Variants in DEFB125 observed in about 807,000 individuals in gnomAD.
DEFB125 encodes the protein beta-defensin 125.
DEFB125 carries 11 observed loss-of-function variants against 11.8 expected under a neutral mutation model. That is an observed-to-expected ratio of 0.94 (90% CI 0.59 to 1.55). DEFB125 has a LOEUF of 1.55. Among genes scored for constraint, DEFB125 ranks in the 40% most tolerant of loss-of-function variants. The pLI is 0.00. For synonymous variants in DEFB125, 79 were observed against 66.7 expected (o/e 1.18, Z -0.90); for missense variants, 198 against 191.2 (o/e 1.04, Z -0.21).
At chr20:89,469 T>C (rs1055988292) in intron 1 of DEFB125, among the ~76,000 whole-genome samples, 11 of 152,160 alleles carry the variant, frequency 7.2e-5, no homozygotes, top group African/African-American at 2.7e-4. Flanking sequence ...AATTTTCTAT[T>C]ATACTATTAG....
intron 1 of DEFB125, 38 bp from the exon 2 acceptor site, chr20:95,967 C>T: frequency 1.3e-6 from 2 of 1,521,342 alleles, no homozygotes; most frequent in South Asian, 1.3e-5. Context: ...ATGTTGATGC[C>T]AGAGTTAAAA....
intron 1 of DEFB125, among the ~76,000 whole-genome samples, chr20:90,011 T>C (rs1013796978): frequency 5.3e-5 from 8 of 152,170 alleles, no homozygotes; most frequent in Non-Finnish European, 1.0e-4. Flanking sequence ...TGAAGCAACT[T>C]TTTACCAAGC....
In DEFB125 at chr20:96,205, T is replaced by A; in HGVS notation, c.259T>A (p.Ser87Thr). 6.2e-7 allele frequency: 1 copy of A among 1,614,210 alleles called. No individual in the cohort carries two copies. The highest frequency in any genetic ancestry group is 1.1e-5 in the South Asian group (1 of 91,074). The change falls in exon 2 of 2, where the codon TCT (serine) becomes ACT (threonine). Residue 87 changes from serine (S) to threonine (T), a missense_variant. Transcript: ENST00000382410. ...AACATTGGATTATAGTGATGTGGAC[T>A]CTTTTACTGGTTCCCCAGTATCTAT... ...DITLDYSDVDSFTGSPVSMLN... is the reference protein window; with the variant it reads ...DITLDYSDVDTFTGSPVSMLN...
At position 96,062 on chromosome 20, in the gene DEFB125, G is replaced by C. The variant is rs370092526; in HGVS notation, c.116G>C (p.Cys39Ser). The C allele has an allele frequency of 6.2e-7, 1 of 1,613,738 alleles. No homozygotes were observed. The highest frequency in any genetic ancestry group is 1.1e-5 in the South Asian group (1 of 91,074). ...KNNVGHCRRR[C>S]LDTERYILLC... ...AATGTAGGACATTGCAGAAGACGAT[G>C]TTTAGATACTGAAAGGTACATACTT... is the stretch of plus-strand genomic sequence containing the variant. The change falls in exon 2 of 2, where the codon TGT becomes TCT. Residue 39 changes from cysteine to serine, a missense_variant. Cys to Ser is a moderately radical substitution (Grantham distance 112). Transcript: ENST00000382410.
At chr20:90,742 T>C (rs1452569498) in intron 1 of DEFB125, among the ~76,000 whole-genome samples, 2 of 152,178 alleles carry the variant, frequency 1.3e-5, no homozygotes, top group African/African-American at 4.8e-5. Flanking sequence ...TTCACTCCAC[T>C]ACAGCCACAC....
At chr20:91,792 G>A (rs907755116) in intron 1 of DEFB125, among the ~76,000 whole-genome samples, 16 of 152,110 alleles carry the variant, frequency 1.1e-4, no homozygotes, top group African/African-American at 3.9e-4. Context: ...TAATGCTGGA[G>A]GAAAAAAATT....
intron 1 of DEFB125, among the ~76,000 whole-genome samples, chr20:88,221 T>C (rs2054483307): frequency 6.6e-6 from 1 of 152,128 alleles, no homozygotes; most frequent in South Asian, 2.1e-4. Context: ...CATTGACAGT[T>C]TGTAGATTCT....
At chr20:92,075 C>T (rs962266935) in intron 1 of DEFB125, among the ~76,000 whole-genome samples, 1 of 152,104 alleles carries the variant, frequency 6.6e-6, no homozygotes, top group African/African-American at 2.4e-5. Flanking sequence ...TACATACATA[C>T]ATCTATATAT....
chr20:90,484 C>T (rs1340792976), intron 1 of DEFB125, among the ~76,000 whole-genome samples: 3 of 152,174 alleles, frequency 2.0e-5, no homozygotes, highest in African/African-American at 7.2e-5. Context: ...TCATCTCTCA[C>T]CTGTGTTATT....
intron 1 of DEFB125, 41 bp from the exon 2 acceptor site, chr20:95,964 T>A: frequency 6.6e-7 from 1 of 1,522,068 alleles, no homozygotes; most frequent in Non-Finnish European, 8.8e-7. Context: ...GTTATGTTGA[T>A]GCCAGAGTTA....
rs1344418079 is a variant in DEFB125, at chr20:97,045, T to C, written c.*628T>C. The C allele has an allele frequency of 6.6e-6, 1 of 152,266 alleles. No individual in the cohort carries two copies. Among genetic ancestry groups the C allele is most frequent in the Non-Finnish European group, 1.5e-5 (1 of 68,070 alleles). 9.4% of individuals were successfully genotyped at this position (152,266 alleles called of 1,614,324 possible). On this transcript the variant is annotated 3_prime_UTR_variant, in exon 2 of 2. Transcript: ENST00000382410. Reference sequence around the variant, plus strand: ...AACTGGATAGAGATAAAAGTGGGACTTGCCTTGAGAGTACATCATATTAAA... The same window carrying C: ...AACTGGATAGAGATAAAAGTGGGACCTGCCTTGAGAGTACATCATATTAAA...
chr20:89,789 A>C (rs1237467384), intron 1 of DEFB125, among the ~76,000 whole-genome samples: 1 of 152,066 alleles, frequency 6.6e-6, no homozygotes, highest in Non-Finnish European at 1.5e-5. Context: ...GGGAAGTCGA[A>C]CTTCAAATAC....
rs139415015 is a variant in DEFB125, at chr20:93,312, T to A, written c.59-2693T>A. On this transcript the variant is annotated intron_variant, in intron 1 of 1. Transcript: ENST00000382410. ...TTGCTTGCAAGCACCATTTGGTATT[T>A]CTCGTTCTTCAAAACAAACCTGAAA... Among the ~76,000 whole-genome samples, 4 of 152,280 alleles carry A rather than the reference T, an allele frequency of 2.6e-5. No individual in the cohort carries two copies. The East Asian group carries it at 7.7e-4, about 29-fold the overall frequency.
chr20:89,410 G>T (rs923249542), intron 1 of DEFB125, among the ~76,000 whole-genome samples: 6 of 151,944 alleles, frequency 3.9e-5, no homozygotes, highest in Non-Finnish European at 8.8e-5. Context: ...TTGATCTATT[G>T]TTCTTCCTCA....
At chr20:95,898 G>T in intron 1 of DEFB125, 107 bp from the exon 2 acceptor site, 4 of 1,031,224 alleles carry the variant, frequency 3.9e-6, no homozygotes, top group Middle Eastern at 3.0e-4. Flanking sequence ...TTTTGTATTT[G>T]ACATCATATT....
intron 1 of DEFB125, among the ~76,000 whole-genome samples, chr20:88,768 G>A (rs1017185963): frequency 5.3e-5 from 8 of 151,786 alleles, no homozygotes; most frequent in Middle Eastern, 3.2e-3. Flanking sequence ...TAATTACTCC[G>A]CTACTGATGA....
chr20:92,618 C>T (rs2054500490), intron 1 of DEFB125, among the ~76,000 whole-genome samples: 1 of 152,088 alleles, frequency 6.6e-6, no homozygotes, highest in African/African-American at 2.4e-5. Flanking sequence ...GTCTCGATCT[C>T]CTGACCCTGT....
intron 1 of DEFB125, among the ~76,000 whole-genome samples, chr20:90,144 A>G (rs115796548): frequency 0.01 from 1,596 of 152,276 alleles, 33 homozygotes; most frequent in African/African-American, 0.036. Context: ...TGGCTCCCCT[A>G]CTTAGAAACA....
chr20:95,678 C>A (rs1446508816), intron 1 of DEFB125, among the ~76,000 whole-genome samples: 1 of 152,122 alleles, frequency 6.6e-6, no homozygotes, highest in Admixed American at 6.6e-5. Flanking sequence ...CTTTGTATAT[C>A]TGGTAGAATT....
Sources: gnomAD v4.1 joint callset for allele counts (sites outside exome capture counted in the v4.1 genomes callset) on GRCh38, gnomAD v4.1.1 for gene constraint, MANE v1.5 for transcripts, NCBI Gene and HGNC (gene_info 2026-07-23, HGNC 2026-07-21) for gene names.